The following OLAH variants were observed in gnomAD, a reference collection of about 807,000 sequenced individuals.
OLAH encodes the protein S-acyl fatty acid synthase thioesterase, medium chain.
Under a neutral mutation model 27.8 loss-of-function variants are expected in OLAH, and 33 were observed. The ratio of observed to expected loss-of-function variants is 1.19; its 90% CI spans 0.90 to 1.59. OLAH has a LOEUF of 1.59. Among genes scored for constraint, OLAH ranks in the 40% most tolerant of loss-of-function variants. The pLI, the probability that OLAH is intolerant of heterozygous loss-of-function variation, is 0.00. For missense variants in OLAH, 359 were observed against 310.8 expected, an observed-to-expected ratio of 1.16 and a Z score of -1.17; for synonymous variants, 120 against 102.9, an observed-to-expected ratio of 1.17 and a Z score of -1.01.
upstream of OLAH, among the ~76,000 whole-genome samples, chr10:15,043,316 TG>T (rs1200472201): frequency 6.6e-6 from 1 of 152,086 alleles, no homozygotes; most frequent in African/African-American, 2.4e-5. Context: ...CTTAGAAGGG[TG>T]CTTGGTCCTT....
upstream of OLAH, among the ~76,000 whole-genome samples, chr10:15,043,410 T>TA (rs1438115429): frequency 6.6e-5 from 10 of 152,136 alleles, no homozygotes; most frequent in Non-Finnish European, 1.5e-4. Context: ...TAACTTGATT[T>TA]TACTGTCTAG....
At chr10:15,050,231 A>G (rs1045848065) in intron 3 of OLAH, among the ~76,000 whole-genome samples, 4 of 152,224 alleles carry the variant, frequency 2.6e-5, no homozygotes, top group African/African-American at 9.6e-5. Flanking sequence ...CAGTCTGGGC[A>G]ACACAGTGAG....
intron 3 of OLAH, 150 bp downstream of exon 3, chr10:15,049,915 T>A: frequency 1.4e-6 from 1 of 732,014 alleles, no homozygotes; most frequent in Non-Finnish European, 2.1e-6. Flanking sequence ...ACTTTTATGT[T>A]TCTAAAGTAA....
intron 6 of OLAH, among the ~76,000 whole-genome samples, chr10:15,071,301 AT>A (rs1451241279): frequency 6.6e-6 from 1 of 151,928 alleles, no homozygotes; most frequent in Non-Finnish European, 1.5e-5. Flanking sequence ...TGTTTCTGTA[AT>A]GTCTCTCTCC....
At chr10:15,034,778 G>A (rs10906812) in intron 1 of OLAH, among the ~76,000 whole-genome samples, 1 of 150,426 alleles carries the variant, frequency 6.6e-6, no homozygotes, top group Non-Finnish European at 1.5e-5. Context: ...ACTGCAGACA[G>A]TTTTCATTTT....
chr10:15,033,477 A>G (rs962812864), intron 1 of OLAH, among the ~76,000 whole-genome samples: 1 of 152,098 alleles, frequency 6.6e-6, no homozygotes, highest in East Asian at 1.9e-4. Flanking sequence ...GGAGAGAGGA[A>G]GAAGAAAAAG....
At chr10:15,062,040 T>C (rs1206685193) in intron 4 of OLAH, 178 bp downstream of exon 4, 1 of 507,654 alleles carries the variant, frequency 2.0e-6, no homozygotes. Flanking sequence ...AGTATACCTA[T>C]TTTTTTTCCT....
chr10:15,072,771 T>C (rs562801179), intron 7 of OLAH, among the ~76,000 whole-genome samples: 14 of 151,776 alleles, frequency 9.2e-5, no homozygotes, highest in Non-Finnish European at 1.6e-4. Context: ...AGGGGGGTTA[T>C]CTTGGGGCTA....
chr10:15,072,850 T>C (rs570053983), intron 7 of OLAH, among the ~76,000 whole-genome samples: 2 of 152,178 alleles, frequency 1.3e-5, no homozygotes, highest in African/African-American at 2.4e-5. Flanking sequence ...TTTATGGTTA[T>C]GGTGACCTTA....
Position 15,047,186 on chromosome 10 carries a change from T to C in OLAH, c.-103T>C. 9.0e-7 allele frequency: 1 copy of C among 1,108,350 alleles called. No individual in the cohort carries two copies. Among genetic ancestry groups the C allele is most frequent in the Non-Finnish European group, 1.3e-6 (1 of 765,722 alleles). 68.7% of individuals were successfully genotyped at this position (1,108,350 alleles called of 1,614,324 possible). A position where few individuals can be genotyped will look rare whatever the true frequency, so the allele number is the denominator to read the frequency against. ...AAAGAAATCTACTCACTCTTCTGTGTGCATAAGGCCGAGCAGAGGTTCTTC... is the reference window on the plus strand; with the variant it reads ...AAAGAAATCTACTCACTCTTCTGTGCGCATAAGGCCGAGCAGAGGTTCTTC... On this transcript the variant is annotated 5_prime_UTR_variant, in exon 2 of 8. Transcript: ENST00000378228.
chr10:15,062,292 C>T (rs972122402), intron 4 of OLAH, among the ~76,000 whole-genome samples: 1 of 151,874 alleles, frequency 6.6e-6, no homozygotes, highest in Non-Finnish European at 1.5e-5. Flanking sequence ...AACAATAGTT[C>T]CCATTTGTGA....
upstream of OLAH, among the ~76,000 whole-genome samples, chr10:15,043,469 C>T (rs189179336): frequency 6.4e-3 from 917 of 144,292 alleles, 3 homozygotes; most frequent in Admixed American, 8.8e-3. Context: ...CCAGTGGATT[C>T]TCTTCTTCTT....
At chr10:15,032,994 T>C (rs1381168958) in intron 1 of OLAH, among the ~76,000 whole-genome samples, 1 of 151,902 alleles carries the variant, frequency 6.6e-6, no homozygotes, top group Non-Finnish European at 1.5e-5. Flanking sequence ...TGCCTCAGCA[T>C]CCCAAGAAGC....
In OLAH at chr10:15,034,091, CA is replaced by C. The variant is rs1843800259; in HGVS notation, c.-164+1742del. Among the ~76,000 whole-genome samples the C allele has an allele frequency of 1.4e-5, 2 of 147,206 alleles. 1 individual carries two copies. The highest frequency in any genetic ancestry group is 1.4e-4 in the Admixed American group (2 of 14,494). On this transcript the variant is annotated intron_variant, in intron 1 of 3. Coordinates refer to the OLAH transcript ENST00000413672. ...GGAAGGAACCTCCTAGAGGAAAGGGCAGACTCCACCATTTTTTTTTTTTCTT... is the reference window on the plus strand; with the variant it reads ...GGAAGGAACCTCCTAGAGGAAAGGGCGACTCCACCATTTTTTTTTTTTCTT...
At chr10:15,035,561 G>C (rs963694198) in intron 1 of OLAH, among the ~76,000 whole-genome samples, 2 of 152,108 alleles carry the variant, frequency 1.3e-5, no homozygotes, top group Admixed American at 1.3e-4. Context: ...CTCTGAGACA[G>C]CACCAAGCCA....
intron 3 of OLAH, among the ~76,000 whole-genome samples, chr10:15,050,152 G>A (rs975892560): frequency 1.1e-4 from 16 of 152,190 alleles, no homozygotes; most frequent in African/African-American, 2.4e-4. Flanking sequence ...GCGCAGTGGC[G>A]CACGCTTGTA....
intron 2 of OLAH, among the ~76,000 whole-genome samples, chr10:15,049,155 G>T (rs1844083473): frequency 7.3e-6 from 1 of 136,878 alleles, no homozygotes; most frequent in Admixed American, 8.2e-5. Context: ...AAAATTAGAG[G>T]CAAGATGTCA....
At chr10:15,041,767 G>C (rs1843924147), upstream of OLAH, among the ~76,000 whole-genome samples, 2 of 151,734 alleles carry the variant, frequency 1.3e-5, no homozygotes, top group Non-Finnish European at 2.9e-5. Flanking sequence ...GTAGAGACGG[G>C]GTTTCACCAT....
chr10:15,044,801 C>T (rs966290551), intron 1 of OLAH, among the ~76,000 whole-genome samples: 1 of 152,104 alleles, frequency 6.6e-6, no homozygotes, highest in African/African-American at 2.4e-5. Flanking sequence ...GAGTCCATCC[C>T]CACCTCTCCT....
Sources: gnomAD v4.1 joint callset for allele counts (sites outside exome capture counted in the v4.1 genomes callset) on GRCh38, gnomAD v4.1.1 for gene constraint, MANE v1.5 for transcripts, NCBI Gene and HGNC (gene_info 2026-07-23, HGNC 2026-07-21) for gene names.